Variants in DEAF1 observed in about 807,000 individuals in gnomAD.
The protein encoded by DEAF1 is DEAF1 transcription factor, also known as deformed epidermal autoregulatory factor 1 homolog.
In DEAF1, 53 loss-of-function variants were observed where a neutral mutation model predicts 58.9. The observed-to-expected ratio is 0.90, with a 90% CI of 0.72 to 1.13. The LOEUF (loss-of-function observed/expected upper bound fraction) is 1.13, where lower values mean the gene tolerates loss of function less well. Among genes scored for constraint, DEAF1 ranks in the 50% most tolerant of loss-of-function variants. The pLI is 0.00. For synonymous variants in DEAF1, 385 were observed against 340.4 expected (o/e 1.13, Z -1.44); for missense variants, 685 against 791.4 (o/e 0.87, Z 1.61).
chr11:658,244 C>T (rs185834991), intron 10 of DEAF1, among the ~76,000 whole-genome samples: 5,481 of 152,258 alleles, frequency 0.036, 175 homozygotes, highest in Non-Finnish European at 0.053. Context: ...CTGGCTAACA[C>T]GGTGAAACCC....
intron 10 of DEAF1, among the ~76,000 whole-genome samples, chr11:667,740 C>A (rs1484835204): frequency 2.0e-5 from 3 of 149,006 alleles, no homozygotes; most frequent in Non-Finnish European, 4.5e-5. Context: ...ACCAGGGAGT[C>A]GGAGGTTGCA....
At position 688,280 on chromosome 11, in the gene DEAF1, C is replaced by T. The variant is rs201332326; in HGVS notation, c.517+51G>A. The T allele has an allele frequency of 7.9e-5, 126 of 1,595,934 alleles. No homozygotes were observed. Among genetic ancestry groups the T allele is most frequent in the Admixed American group, 2.4e-4 (14 of 57,332 alleles). On this transcript the variant is annotated intron_variant, in intron 3 of 11. Coordinates refer to ENST00000382409, the MANE Select transcript of DEAF1 (RefSeq NM_021008.4). The surrounding 1 kb of genome is among the most constrained non-coding windows in gnomAD (Gnocchi z 4.3). ...AATAAATCCCTGAAATAAATTCTAGCTATTCTGAAACGTGTTTTGCCCGAG... is the reference window on the plus strand; with the variant it reads ...AATAAATCCCTGAAATAAATTCTAGTTATTCTGAAACGTGTTTTGCCCGAG...
At chr11:647,299 C>G (rs918192760) in intron 11 of DEAF1, among the ~76,000 whole-genome samples, 1 of 152,036 alleles carries the variant, frequency 6.6e-6, no homozygotes, top group Non-Finnish European at 1.5e-5. Context: ...GCTAAAAATA[C>G]AAAAATTAGC....
chr11:660,865 G>A (rs1038383170), intron 10 of DEAF1, among the ~76,000 whole-genome samples: 5 of 149,556 alleles, frequency 3.3e-5, no homozygotes, highest in Admixed American at 6.6e-5. Flanking sequence ...CCCTCTCGGC[G>A]CTGCTTGAGG....
rs1204997166 is a variant in DEAF1 at position 679,950 on chromosome 11, T to C, written c.998-134A>G. ...GGGCAGTGGTAACTGTACCCTCCCATGTGAAGGACACGGGGGAAATCCCAG... is the reference window on the plus strand; with the variant it reads ...GGGCAGTGGTAACTGTACCCTCCCACGTGAAGGACACGGGGGAAATCCCAG... On this transcript the variant is annotated intron_variant, in intron 7 of 11. Coordinates refer to ENST00000382409, the MANE Select transcript of DEAF1 (RefSeq NM_021008.4). 7 of 1,235,370 alleles carry C rather than the reference T, an allele frequency of 5.7e-6. No homozygotes were observed. The African/African-American group carries it at 7.4e-5, about 13-fold the overall frequency. The allele number at this position is 1,235,370 out of a possible 1,614,324, so 76.5% of individuals were successfully genotyped here.
chr11:689,116 G>A (rs12290315), intron 2 of DEAF1, among the ~76,000 whole-genome samples: 43,089 of 151,878 alleles, frequency 0.28, 6,379 homozygotes, highest in Non-Finnish European at 0.32. Context: ...TCTGAACCCC[G>A]TGTTTTGGGT....
In DEAF1 at chr11:680,975, C is replaced by T. The variant is rs144717498; in HGVS notation, c.985G>A (p.Ala329Thr). ...TTCTCAAACTCACAGGTGGTAGCCG[C>T]GGTGGCTGGAAGCAATGTGATGTTC... ...PKNITLLPATAATTFTVTPSG... is the reference protein window; with the variant it reads ...PKNITLLPATTATTFTVTPSG... Residue 329 changes from alanine (A) to threonine (T), a missense_variant, in exon 7 of 12, where the codon GCG (alanine) becomes ACG (threonine). Physicochemically the swap from Ala to Thr is moderately conservative, Grantham distance 58. Around this residue, in one of 3 missense-constraint regions of DEAF1, gnomAD observed 343 missense variants for 379.8 expected, o/e 0.90. Transcript: ENST00000382409. 7.6e-5 allele frequency: 122 copies of T among 1,614,130 alleles called. No individual in the cohort carries two copies. The South Asian group carries it at 1.2e-3, about 16-fold the overall frequency.
At chr11:700,591 T>TCCGTCCGCGCCTCTGCTCTTCA (rs1294137799) in intron 1 of DEAF1, 1 of 1,602,706 alleles carries the variant, frequency 6.2e-7, no homozygotes, top group Non-Finnish European at 8.5e-7. Flanking sequence ...TTACTTATGT[T>TCCGTCCGCGCCTCTGCTCTTCA]CCGTCCGCGC....
At chr11:700,264 C>T (rs569357183) in intron 1 of DEAF1, 170 of 1,590,088 alleles carry the variant, frequency 1.1e-4, no homozygotes, top group East Asian at 2.9e-4. Context: ...CAGTGGCTCA[C>T]GCCTGTAATC....
chr11:677,304 T>C lies in DEAF1; in HGVS notation c.1255+1390A>G, dbSNP rs189946042. ...TCACAAGGTCAAGAGATCAAGACCATCCTGGCCAACACGGTGAAACCCCAT... is the reference window on the plus strand; with the variant it reads ...TCACAAGGTCAAGAGATCAAGACCACCCTGGCCAACACGGTGAAACCCCAT... On this transcript the variant is annotated intron_variant, in intron 9 of 11. Coordinates refer to ENST00000382409, the MANE Select transcript of DEAF1 (RefSeq NM_021008.4). Among the ~76,000 whole-genome samples the C allele has an allele frequency of 1.1e-3, 164 of 149,336 alleles. 1 individual carries two copies. Among genetic ancestry groups the C allele is most frequent in the African/African-American group, 3.8e-3 (155 of 40,684 alleles).
At chr11:704,235 C>T (rs1033766126) in intron 1 of DEAF1, 19 of 854,350 alleles carry the variant, frequency 2.2e-5, no homozygotes, top group African/African-American at 3.6e-5. Context: ...GCCTCGCCCT[C>T]GGGCCCTGGC....
At chr11:690,917 C>G (rs902960609) in intron 2 of DEAF1, among the ~76,000 whole-genome samples, 1 of 152,226 alleles carries the variant, frequency 6.6e-6, no homozygotes, top group Non-Finnish European at 1.5e-5. Context: ...ACAAGGTTGC[C>G]TGCCCTGGTT....
At chr11:700,705 T>C in intron 1 of DEAF1, 1 of 1,613,612 alleles carries the variant, frequency 6.2e-7, no homozygotes, top group South Asian at 1.1e-5. Flanking sequence ...CGGTTATACC[T>C]GGGTGAGTGG....
chr11:650,191 A>G (rs1261298919), intron 11 of DEAF1, among the ~76,000 whole-genome samples: 1 of 151,896 alleles, frequency 6.6e-6, no homozygotes, highest in Non-Finnish European at 1.5e-5. Context: ...CCTGGCCAAC[A>G]TGGTGAAACC....
chr11:688,814 G>A lies in DEAF1; in HGVS notation c.388-354C>T, dbSNP rs867713999. Among the ~76,000 whole-genome samples, 1 of 152,106 alleles carries A rather than the reference G, an allele frequency of 6.6e-6. No homozygotes were observed. Among genetic ancestry groups the A allele is most frequent in the African/African-American group, 2.4e-5 (1 of 41,414 alleles). The stretch of plus-strand genomic sequence containing the variant: ...GAGTTTCCAACAGACCGAGTTGGCC[G>A]CCACAGACAAGGCCTTGTGCAGGAC... On this transcript the variant is annotated intron_variant, in intron 2 of 11. Coordinates refer to ENST00000382409, the MANE Select transcript of DEAF1 (RefSeq NM_021008.4). The surrounding 1 kb of genome is among the most constrained non-coding windows in gnomAD (Gnocchi z 4.3).
intron 1 of DEAF1, chr11:703,373 G>A (rs1861588016): frequency 7.2e-7 from 1 of 1,385,382 alleles, no homozygotes; most frequent in East Asian, 2.7e-5. Flanking sequence ...GGGAGGGTAG[G>A]GACCAGACAG....
chr11:694,020 G>A (rs1251667658), intron 1 of DEAF1, among the ~76,000 whole-genome samples: 1 of 152,196 alleles, frequency 6.6e-6, no homozygotes. Flanking sequence ...CCTCCAGCAG[G>A]CTGCCCACCC....
In DEAF1 at chr11:644,299, G is replaced by C; in HGVS notation, c.*251C>G. The C allele has an allele frequency of 1.7e-6, 1 of 590,262 alleles. No homozygotes were observed. Among genetic ancestry groups the C allele is most frequent in the Admixed American group, 2.8e-5 (1 of 35,750 alleles). 36.6% of individuals were successfully genotyped at this position (590,262 alleles called of 1,614,324 possible). On this transcript the variant is annotated 3_prime_UTR_variant, in exon 12 of 12. Transcript: ENST00000382409. This position sits in a 1 kb window ranked among gnomAD's most constrained non-coding sequence, Gnocchi z 4.3. ...TGTGCGTCGCAGCACAGGCCCTGTG[G>C]GCAAGACCGGACGCTCATGATCCCA...
At chr11:654,160 ACCC>A (rs56079259) in intron 10 of DEAF1, 109 bp from the exon 11 acceptor site, 19,643 of 544,156 alleles carry the variant, frequency 0.036, 513 homozygotes, top group African/African-American at 0.089. Flanking sequence ...CCCCCATTGG[ACCC>A]CCTTTTTTTT....
Sources: allele counts gnomAD v4.1 joint callset (sites outside exome capture counted in the v4.1 genomes callset), GRCh38; gene constraint gnomAD v4.1.1; regional missense constraint gnomAD v4.1.1; non-coding constraint Gnocchi (gnomAD v3.1); transcripts MANE v1.5; gene names NCBI Gene and HGNC (gene_info 2026-07-23, HGNC 2026-07-21).